The following AKR1C3 variants were observed in gnomAD, a reference collection of about 807,000 sequenced individuals.
AKR1C3 encodes the protein 3-alpha hydroxysteroid dehydrogenase, type II.
AKR1C3 carries 48 observed loss-of-function variants against 43.6 expected under a neutral mutation model. The observed-to-expected ratio is 1.10, with a 90% CI of 0.87 to 1.40. The LOEUF is 1.40. AKR1C3 is among the 40% of genes most tolerant of loss of function. The probability of loss-of-function intolerance (pLI) is 0.00; values close to 1 mark genes in which losing one functional copy is unlikely to be tolerated. For synonymous variants in AKR1C3, 162 were observed against 139.6 expected (o/e 1.16, Z -1.13); for missense variants, 482 against 391.2 (o/e 1.23, Z -1.96).
intron 1 of AKR1C3, among the ~76,000 whole-genome samples, chr10:5,072,193 T>C (rs1264677220): frequency 6.6e-6 from 1 of 152,218 alleles, no homozygotes; most frequent in Non-Finnish European, 1.5e-5. Flanking sequence ...GTGTTTAATT[T>C]ATGGCCAAAC....
At chr10:5,084,074 T>C (rs1171966074) in intron 1 of AKR1C3, among the ~76,000 whole-genome samples, 3 of 152,230 alleles carry the variant, frequency 2.0e-5, no homozygotes, top group Non-Finnish European at 4.4e-5. Context: ...AGAAGCTCTT[T>C]AGTTTAATTA....
At chr10:5,082,386 A>G (rs1254768799) in intron 1 of AKR1C3, among the ~76,000 whole-genome samples, 1 of 152,118 alleles carries the variant, frequency 6.6e-6, no homozygotes, top group African/African-American at 2.4e-5. Flanking sequence ...AAAGGTTTTC[A>G]AGTTTTCTCC....
chr10:5,070,835 T>C (rs572476854), intron 1 of AKR1C3, among the ~76,000 whole-genome samples: 1 of 152,330 alleles, frequency 6.6e-6, no homozygotes, highest in African/African-American at 2.4e-5. Context: ...CCTCCAGATC[T>C]GTGAGCAATC....
rs1554784877 is a variant in AKR1C3, at chr10:5,094,527, A to G, written c.83A>G (p.Glu28Gly). The part of the protein sequence containing the change: ...VLGFGTYAPP[E>G]VPRSKALEVT... Reference sequence around the variant, plus strand: ...GGATTTGGCACCTATGCACCTCCAGAGGTAAGAATAATTCCTTTTAGTTTT... The same window carrying G: ...GGATTTGGCACCTATGCACCTCCAGGGGTAAGAATAATTCCTTTTAGTTTT... Residue 28 changes from glutamate (E) to glycine (G), a missense_variant and splice_region_variant, in exon 1 of 9, where the codon GAG (glutamate) becomes GGG (glycine). Glu to Gly is a moderately conservative substitution (Grantham distance 98). Coordinates refer to ENST00000380554, the MANE Select transcript of AKR1C3 (RefSeq NM_003739.6). 6 of 1,612,588 alleles carry G rather than the reference A, an allele frequency of 3.7e-6. No homozygotes were observed. The highest frequency in any genetic ancestry group is 4.2e-6 in the Non-Finnish European group (5 of 1,178,804).
At position 5,097,436 on chromosome 10, in the gene AKR1C3, T is replaced by G. The variant is rs1554785297; in HGVS notation, c.255T>G (p.Leu85=). 6.2e-7 allele frequency: 1 copy of G among 1,613,398 alleles called. No individual in the cohort carries two copies. The highest frequency in any genetic ancestry group is 1.1e-5 in the South Asian group (1 of 91,032). The change falls in exon 3 of 9, where the codon CTT becomes CTG. Residue 85 remains leucine (L), a splice_region_variant and synonymous_variant. Coordinates refer to ENST00000380554, the MANE Select transcript of AKR1C3 (RefSeq NM_003739.6). ...CCTCCATTCTTTAACCTCTGCAGCT[T>G]TGGTCCACTTTTCATCGACCAGAGT... ...KREDIFYTSK[L]WSTFHRPELV... is the part of the protein sequence containing the mutation.
At position 5,084,517 on chromosome 10, in the gene AKR1C3, T is replaced by G. The variant is rs182295751; in HGVS notation, c.85-11893T>G. Among the ~76,000 whole-genome samples the G allele has an allele frequency of 9.0e-3, 1,375 of 152,266 alleles. 30 individuals are homozygous for G. Among genetic ancestry groups the G allele is most frequent in the African/African-American group, 0.032 (1,320 of 41,530 alleles). On this transcript the variant is annotated intron_variant, in intron 1 of 8. Coordinates refer to the AKR1C3 transcript ENST00000439082. The stretch of plus-strand genomic sequence containing the variant: ...GTTTGAAGTCAGGTAGCATGATGCC[T>G]CCGGCTTTGTTCTTTTGGCTTAGGA...
chr10:5,102,163 T>G lies in AKR1C3; in HGVS notation c.633T>G (p.Ile211Met). The G allele has an allele frequency of 6.2e-7, 1 of 1,614,136 alleles. No homozygotes were observed. Among genetic ancestry groups the G allele is most frequent in the South Asian group, 1.1e-5 (1 of 91,066 alleles). ...TAGATTTCTGCAAGTCGAAAGATAT[T>G]GTTCTGGTTGCCTATAGTGCTCTGG... ...KLLDFCKSKD[I>M]VLVAYSALGS... Residue 211 changes from isoleucine to methionine, a missense_variant, in exon 6 of 9, where the codon ATT becomes ATG. By Grantham distance (10) the Ile-to-Met change is conservative. Transcript: ENST00000380554.
Position 5,095,199 on chromosome 10 carries a change from A to T in AKR1C3, c.84+671A>T, listed in dbSNP as rs531000952. 2.0e-5 allele frequency among the ~76,000 whole-genome samples: 3 copies of T among 152,262 alleles called. No homozygotes were observed. The East Asian group carries it at 5.8e-4, about 29-fold the overall frequency. On this transcript the variant is annotated intron_variant, in intron 1 of 8. Transcript: ENST00000380554. ...GAGTGGTCTTCTGACACAAAAATGA[A>T]CAAAATGGAGACCTCATTTTCTAGA... is the stretch of plus-strand genomic sequence containing the variant.
At chr10:5,068,240 A>G (rs886582840) in intron 1 of AKR1C3, among the ~76,000 whole-genome samples, 11 of 152,154 alleles carry the variant, frequency 7.2e-5, no homozygotes, top group Non-Finnish European at 1.2e-4. Flanking sequence ...TAATCTTAGA[A>G]CATACATTAG....
rs377494947 is a variant in AKR1C3, at chr10:5,100,814, AAAT to A, written c.571-1282_571-1280del. On this transcript the variant is annotated intron_variant, in intron 5 of 8. Transcript: ENST00000380554. ...TTCAAACTTTCAGAAAATTTGATAA[AAAT>A]AATACACGATTCAACATAACCATTT... Among the ~76,000 whole-genome samples, 216 of 152,334 alleles carry A rather than the reference AAAT, an allele frequency of 1.4e-3. 2 individuals are homozygous for A. Among genetic ancestry groups the A allele is most frequent in the African/African-American group, 5.0e-3 (208 of 41,580 alleles).
At chr10:5,063,764 G>GAAAAAAAAAAAAAAAAAAAAAAAAAA (rs1406943359) in intron 1 of AKR1C3, among the ~76,000 whole-genome samples, 2 of 33,446 alleles carry the variant, frequency 6.0e-5, no homozygotes, top group East Asian at 7.1e-4. Flanking sequence ...CTCTGTCTCA[G>GAAAAAAAAAAAAAAAAAAAAAAAAAA]CAAAAAAAAA....
Position 5,098,783 on chromosome 10 carries a change from A to T in AKR1C3, c.370-19A>T, listed in dbSNP as rs1554785533. 6.2e-7 allele frequency: 1 copy of T among 1,609,810 alleles called. No homozygotes were observed. Among genetic ancestry groups the T allele is most frequent in the African/African-American group, 1.3e-5 (1 of 74,808 alleles). ...GAAATTAATTTGTGACATCATTAAA[A>T]TGACTGCTTCTATTTCAGCCAGGTG... is the stretch of plus-strand genomic sequence containing the variant. On this transcript the variant is annotated intron_variant, in intron 3 of 8. Coordinates refer to ENST00000380554, the MANE Select transcript of AKR1C3 (RefSeq NM_003739.6).
Position 5,066,379 on chromosome 10 carries a change from C to A in AKR1C3, c.84+17484C>A, listed in dbSNP as rs565856701. Among the ~76,000 whole-genome samples, 308 of 152,214 alleles carry A rather than the reference C, an allele frequency of 2.0e-3. 2 individuals are homozygous for A. The highest frequency in any genetic ancestry group is 6.5e-3 in the African/African-American group (272 of 41,538). On this transcript the variant is annotated intron_variant, in intron 1 of 8. Transcript: ENST00000439082. ...GTGAGAATGTGACCAAAACTTAGGG[C>A]CTTAGTGCCACTCTCAGTTACCATC...
intron 1 of AKR1C3, among the ~76,000 whole-genome samples, chr10:5,060,490 A>C (rs1276243776): frequency 6.6e-6 from 1 of 152,212 alleles, no homozygotes; most frequent in Non-Finnish European, 1.5e-5. Context: ...ACCCTGAGTT[A>C]GACACAGGGT....
rs782581919 is a variant in AKR1C3 at position 5,097,468 on chromosome 10, G to A, written c.287G>A (p.Arg96Gln). ...WSTFHRPELV[R>Q]PALENSLKKA... ...ACTTTTCATCGACCAGAGTTGGTCCGACCAGCCTTGGAAAACTCACTGAAG... is the reference window on the plus strand; with the variant it reads ...ACTTTTCATCGACCAGAGTTGGTCCAACCAGCCTTGGAAAACTCACTGAAG... The change falls in exon 3 of 9, where the codon CGA becomes CAA. Residue 96 changes from arginine (R) to glutamine (Q), a missense_variant. Physicochemically the swap from Arg to Gln is conservative, Grantham distance 43. Transcript: ENST00000380554. 32 of 1,613,548 alleles carry A rather than the reference G, an allele frequency of 2.0e-5. No homozygotes were observed. The highest frequency in any genetic ancestry group is 1.3e-4 in the East Asian group (6 of 44,878).
chr10:5,053,945 G>T (rs966227915), intron 1 of AKR1C3, among the ~76,000 whole-genome samples: 1 of 152,184 alleles, frequency 6.6e-6, no homozygotes, highest in African/African-American at 2.4e-5. Flanking sequence ...AAAATACAGG[G>T]CCCAAAGGCA....
intron 1 of AKR1C3, among the ~76,000 whole-genome samples, chr10:5,068,516 A>AC (rs199667368): frequency 0.033 from 2,717 of 82,100 alleles, 95 homozygotes; most frequent in African/African-American, 0.11. Flanking sequence ...TACCAAAAAA[A>AC]AAAAAAAAAC....
In AKR1C3 at chr10:5,105,335, G is replaced by A. The variant is rs988389596; in HGVS notation, c.847-260G>A. 64 of 285,628 alleles carry A rather than the reference G, an allele frequency of 2.2e-4. No homozygotes were observed. The Middle Eastern group carries it at 4.2e-3, about 19-fold the overall frequency. The allele number at this position is 285,628 out of a possible 1,614,324, so 17.7% of individuals were successfully genotyped here. A position where few individuals can be genotyped will look rare whatever the true frequency, so the allele number is the denominator to read the frequency against. On this transcript the variant is annotated intron_variant, in intron 7 of 8. Transcript: ENST00000380554. ...CCTATCATGTGGGCACAATGTCAGC[G>A]CTGTTTCTTCTCCATTTTCTGTTGA...
At chr10:5,079,688 T>A (rs182157816) in intron 1 of AKR1C3, among the ~76,000 whole-genome samples, 14 of 151,986 alleles carry the variant, frequency 9.2e-5, no homozygotes, top group African/African-American at 3.1e-4. Flanking sequence ...CAAGCATACC[T>A]CTCTCTCTCC....
Sources: gnomAD v4.1 joint callset for allele counts (sites outside exome capture counted in the v4.1 genomes callset) on GRCh38, gnomAD v4.1.1 for gene constraint, MANE v1.5 for transcripts, NCBI Gene and HGNC (gene_info 2026-07-23, HGNC 2026-07-21) for gene names.